Variants in SHANK2 observed in about 807,000 individuals in gnomAD.
SHANK2 encodes the protein SH3 and multiple ankyrin repeat domains 2.
SHANK2 carries 43 observed loss-of-function variants against 133.7 expected under a neutral mutation model. That is an observed-to-expected ratio of 0.32 (90% CI 0.25 to 0.41). The LOEUF is 0.41. Among genes scored for constraint, SHANK2 ranks in the 10% least tolerant of loss-of-function variants. SHANK2 has a pLI of 1.00. For missense variants in SHANK2, 1,994 were observed against 2,235.8 expected (o/e 0.89, Z 2.18); for synonymous variants, 1,017 against 952.8 (o/e 1.07, Z -1.24).
intron 15 of SHANK2, among the ~76,000 whole-genome samples, chr11:70,689,679 G>T (rs1195447899): frequency 1.3e-5 from 2 of 152,120 alleles, no homozygotes; most frequent in Non-Finnish European, 2.9e-5. Context: ...TCAGAACTGG[G>T]AACAGAACCC....
chr11:70,679,913 T>C (rs888677982), intron 15 of SHANK2, among the ~76,000 whole-genome samples: 15 of 152,276 alleles, frequency 9.9e-5, no homozygotes, highest in Non-Finnish European at 1.9e-4. Context: ...ACTGTGGCCT[T>C]TGGGGCTGCA....
chr11:71,066,810 T>C (rs1315664355), intron 9 of SHANK2, among the ~76,000 whole-genome samples: 2 of 152,178 alleles, frequency 1.3e-5, no homozygotes, highest in Admixed American at 6.5e-5. Context: ...GGCTGGAACC[T>C]GGTCCCTCAG....
At chr11:70,805,675 A>C (rs1948142367) in intron 13 of SHANK2, among the ~76,000 whole-genome samples, 1 of 152,252 alleles carries the variant, frequency 6.6e-6, no homozygotes, top group Admixed American at 6.5e-5. Context: ...CAAAAAACTA[A>C]GTTTTTAATG....
chr11:70,641,096 T>TC (rs2061173510), intron 17 of SHANK2, among the ~76,000 whole-genome samples: 3 of 129,032 alleles, frequency 2.3e-5, no homozygotes, highest in Admixed American at 1.6e-4. Context: ...TTTCTTTTTT[T>TC]CTTTTCTTTT....
chr11:70,827,510 G>C (rs562897601), intron 11 of SHANK2, among the ~76,000 whole-genome samples: 1 of 152,200 alleles, frequency 6.6e-6, no homozygotes, highest in Admixed American at 6.5e-5. Context: ...CCTGTGGCAG[G>C]TGGACAGTGA....
At chr11:70,885,054 G>A (rs1253467833) in intron 11 of SHANK2, among the ~76,000 whole-genome samples, 1 of 152,066 alleles carries the variant, frequency 6.6e-6, no homozygotes, top group African/African-American at 2.4e-5. Flanking sequence ...TGTATGTCAG[G>A]GTATGTTATC....
intron 17 of SHANK2, among the ~76,000 whole-genome samples, chr11:70,534,829 G>A (rs139284898): frequency 2.4e-4 from 37 of 152,178 alleles, no homozygotes; most frequent in Non-Finnish European, 7.3e-5. Flanking sequence ...GGGGACTCAC[G>A]ATCTGCATGA....
In SHANK2 at chr11:70,696,871, T is replaced by C. The variant is rs1389010513; in HGVS notation, c.1853+1817A>G. Among the ~76,000 whole-genome samples the C allele has an allele frequency of 2.6e-5, 4 of 152,212 alleles. No homozygotes were observed. In the East Asian group the frequency reaches 7.7e-4, roughly 29 times the overall value. Reference sequence around the variant, plus strand: ...AAAGGTGGAAATAACCTGTGCTCACTGATGGATAAAGGGATGAGCAAAATG... The same window carrying C: ...AAAGGTGGAAATAACCTGTGCTCACCGATGGATAAAGGGATGAGCAAAATG... On this transcript the variant is annotated intron_variant, in intron 15 of 25. Transcript: ENST00000601538.
At chr11:70,592,492 AG>A (rs1324649753) in intron 17 of SHANK2, among the ~76,000 whole-genome samples, 1 of 151,658 alleles carries the variant, frequency 6.6e-6, no homozygotes, top group African/African-American at 2.4e-5. Context: ...TCTGCATCCC[AG>A]CACACCCCCT....
intron 10 of SHANK2, chr11:70,952,712 G>A (rs1193045341): frequency 4.9e-6 from 2 of 409,428 alleles, no homozygotes; most frequent in East Asian, 7.9e-5. Context: ...CAGCACTCTG[G>A]GGGACGCAGA....
rs1458881564 is a variant in SHANK2, at chr11:70,545,302, C to T, written c.2062-42371G>A. Among the ~76,000 whole-genome samples the T allele has an allele frequency of 2.0e-5, 3 of 152,246 alleles. No homozygotes were observed. In the East Asian group the frequency reaches 5.8e-4, roughly 29 times the overall value. ...TCGTCTTCCTGACCAGCTCCCAGCT[C>T]CTGCCTGTCTGCAGCTCCTGCTCCA... is the stretch of plus-strand genomic sequence containing the variant. On this transcript the variant is annotated intron_variant, in intron 17 of 25. Transcript: ENST00000601538.
chr11:71,158,927 G>A (rs1212498228), intron 2 of SHANK2, among the ~76,000 whole-genome samples: 17 of 152,172 alleles, frequency 1.1e-4, no homozygotes, highest in Non-Finnish European at 2.1e-4. Context: ...ACACACAAAC[G>A]CATTCCAGAT....
intron 14 of SHANK2, among the ~76,000 whole-genome samples, chr11:70,703,319 G>T (rs1355106193): frequency 2.0e-5 from 3 of 152,226 alleles, no homozygotes; most frequent in African/African-American, 7.2e-5. Context: ...GCCTCCGGGG[G>T]TAGTACCCAT....
chr11:70,820,889 G>A (rs536489966), intron 11 of SHANK2, among the ~76,000 whole-genome samples: 6 of 152,196 alleles, frequency 3.9e-5, no homozygotes, highest in Non-Finnish European at 8.8e-5. Flanking sequence ...AGACAGGCTG[G>A]GGACGGAGAA....
intron 9 of SHANK2, among the ~76,000 whole-genome samples, chr11:71,069,082 C>A (rs1334279070): frequency 6.6e-6 from 1 of 151,486 alleles, no homozygotes; most frequent in Non-Finnish European, 1.5e-5. Flanking sequence ...ACCACCACCA[C>A]CACCATCATC....
intron 17 of SHANK2, among the ~76,000 whole-genome samples, chr11:70,596,832 G>A (rs1421037567): frequency 1.3e-5 from 2 of 152,174 alleles, no homozygotes; most frequent in Non-Finnish European, 2.9e-5. Flanking sequence ...GAGGCTTCTC[G>A]GAGGAGGAGA....
Position 70,617,120 on chromosome 11 carries a change from TGA to T in SHANK2, c.2061+42706_2061+42707del, listed in dbSNP as rs537516493. ...GAGTGTGTATGTGTGTGAGTGTGAC[TGA>T]GAGTATGCTAATGTATGTGTGTCAC... is the stretch of plus-strand genomic sequence containing the variant. On this transcript the variant is annotated intron_variant, in intron 17 of 25. Transcript: ENST00000601538. 2.6e-4 allele frequency among the ~76,000 whole-genome samples: 40 copies of T among 151,832 alleles called. 1 individual carries two copies. In the East Asian group the frequency reaches 6.8e-3, roughly 26 times the overall value.
intron 2 of SHANK2, among the ~76,000 whole-genome samples, chr11:71,197,012 A>C (rs1953918691): frequency 6.6e-6 from 1 of 150,840 alleles, no homozygotes; most frequent in East Asian, 2.0e-4. Flanking sequence ...AAAAAAAAAA[A>C]AAAAAAACCC....
At chr11:70,942,604 A>G (rs1555084578) in intron 10 of SHANK2, 2 of 456,720 alleles carry the variant, frequency 4.4e-6, no homozygotes, top group Non-Finnish European at 8.8e-6. Context: ...CATAGCACAG[A>G]CCTAGCAGAC....
Sources: allele counts gnomAD v4.1 joint callset (sites outside exome capture counted in the v4.1 genomes callset), GRCh38; gene constraint gnomAD v4.1.1; transcripts MANE v1.5; gene names NCBI Gene and HGNC (gene_info 2026-07-23, HGNC 2026-07-21).